Variants in STAT3 observed in about 807,000 individuals in gnomAD.
STAT3 encodes the protein DNA-binding protein APRF.
In STAT3, 7 loss-of-function variants were observed where a neutral mutation model predicts 114.3. The observed-to-expected ratio is 0.06, with a 90% CI of 0.03 to 0.11. The LOEUF is 0.11. Ranked by LOEUF, STAT3 falls within the 10% of genes least tolerant of loss-of-function variation. STAT3 has a pLI of 1.00. For synonymous variants in STAT3, 331 were observed against 354.5 expected (o/e 0.93, Z 0.74); for missense variants, 364 against 960.9 (o/e 0.38, Z 8.21).
rs766072381 is a variant in STAT3 at position 42,337,757 on chromosome 17, C to T, written c.645+6G>A. 3.7e-6 allele frequency: 6 copies of T among 1,614,194 alleles called. No individual in the cohort carries two copies. In the South Asian group the frequency reaches 6.6e-5, roughly 18 times the overall value. ...ATGGGGGAAGTGGTCCGACCTATGC[C>T]CTTACTCTCCGCATCTGGTCCAGCG... On this transcript the variant is annotated splice_donor_region_variant and intron_variant, in intron 7 of 23. Transcript: ENST00000264657. This position sits in a 1 kb window ranked among gnomAD's most constrained non-coding sequence, Gnocchi z 4.0.
At chr17:42,345,708 G>A (rs2082666660) in intron 3 of STAT3, 51 bp from the exon 4 acceptor site, 1 of 1,489,306 alleles carries the variant, frequency 6.7e-7, no homozygotes, top group East Asian at 2.4e-5. Flanking sequence ...CCATGGAGAT[G>A]TGGACTGAAC....
chr17:42,358,297 G>A (rs917928594), intron 1 of STAT3, among the ~76,000 whole-genome samples: 1 of 151,946 alleles, frequency 6.6e-6, no homozygotes. Context: ...GCCCATGCTT[G>A]TAGTCCCATG....
Position 42,370,314 on chromosome 17 carries a change from C to T in STAT3, c.-24+17965G>A, listed in dbSNP as rs1043060605. ...AGGCTAGAGTACAGTGGCATGATCTCGGCTCACTGCAACCTCCGCCTCCCA... is the reference window on the plus strand; with the variant it reads ...AGGCTAGAGTACAGTGGCATGATCTTGGCTCACTGCAACCTCCGCCTCCCA... On this transcript the variant is annotated intron_variant, in intron 1 of 23. Transcript: ENST00000264657. Among the ~76,000 whole-genome samples the T allele has an allele frequency of 3.8e-4, 58 of 150,814 alleles. 1 individual carries two copies. Among genetic ancestry groups the T allele is most frequent in the African/African-American group, 1.2e-3 (50 of 41,006 alleles).
chr17:42,376,665 T>G (rs989358586), intron 1 of STAT3, among the ~76,000 whole-genome samples: 2 of 149,536 alleles, frequency 1.3e-5, no homozygotes, highest in African/African-American at 4.9e-5. Flanking sequence ...GCTAACATGG[T>G]GAAACCCCGA....
chr17:42,330,617 G>C (rs1451998125), intron 11 of STAT3, among the ~76,000 whole-genome samples: 1 of 150,138 alleles, frequency 6.7e-6, no homozygotes, highest in African/African-American at 2.5e-5. Context: ...TTTTAGTAGA[G>C]ACGGGGTTTC....
intron 1 of STAT3, among the ~76,000 whole-genome samples, chr17:42,378,578 C>T (rs370127170): frequency 1.3e-5 from 2 of 152,276 alleles, no homozygotes; most frequent in South Asian, 2.1e-4. Flanking sequence ...GTTAATGTTT[C>T]AATAAATGTG....
chr17:42,328,016 G>A (rs1406267672), intron 14 of STAT3, among the ~76,000 whole-genome samples: 4 of 147,488 alleles, frequency 2.7e-5, no homozygotes, highest in African/African-American at 7.6e-5. Context: ...ACTGCAATCC[G>A]ATAGAACGAG....
At chr17:42,340,352 T>A (rs1341912352) in intron 4 of STAT3, among the ~76,000 whole-genome samples, 1 of 97,742 alleles carries the variant, frequency 1.0e-5, no homozygotes, top group Non-Finnish European at 1.9e-5. Context: ...TGAAACTCCA[T>A]CTCAAAAAAA....
intron 1 of STAT3, 78 bp from the exon 2 acceptor site, chr17:42,348,617 C>T (rs2082802909): frequency 6.5e-6 from 10 of 1,538,036 alleles, no homozygotes; most frequent in Admixed American, 3.5e-5. Context: ...TTGCCCAACA[C>T]AGGTGTCAGG....
rs982248766 is a variant in STAT3 at position 42,328,058 on chromosome 17, A to C, written c.1281+1352T>G. 3.3e-5 allele frequency among the ~76,000 whole-genome samples: 5 copies of C among 151,958 alleles called. No homozygotes were observed. In the East Asian group the frequency reaches 9.6e-4, roughly 29 times the overall value. The stretch of plus-strand genomic sequence containing the variant: ...ACTCAAAAAAAAAAAAGAAAAAAGA[A>C]ATTAAATTATAATTCATTTTTAATA... On this transcript the variant is annotated intron_variant, in intron 14 of 23. Transcript: ENST00000264657.
intron 15 of STAT3, 88 bp downstream of exon 15, chr17:42,326,028 C>T (rs2081702812): frequency 1.7e-6 from 2 of 1,203,992 alleles, no homozygotes; most frequent in African/African-American, 1.5e-5. Context: ...GTAATCATTC[C>T]ACCTTCTCTT....
At chr17:42,369,359 AAAAC>A (rs367707477) in intron 1 of STAT3, among the ~76,000 whole-genome samples, 3,329 of 152,152 alleles carry the variant, frequency 0.022, 69 homozygotes, top group African/African-American at 0.05. Context: ...CTCCATCTCA[AAAAC>A]AAACAAACAA....
At chr17:42,345,822 G>GGA (rs2082675417) in intron 3 of STAT3, among the ~76,000 whole-genome samples, 165 bp from the exon 4 acceptor site, 1 of 151,546 alleles carries the variant, frequency 6.6e-6, no homozygotes, top group African/African-American at 2.4e-5. Context: ...GTCGGCGGGG[G>GGA]GCGAAGGGGA....
At chr17:42,325,660 G>A (rs981850847) in intron 15 of STAT3, among the ~76,000 whole-genome samples, 1 of 152,008 alleles carries the variant, frequency 6.6e-6, no homozygotes, top group Non-Finnish European at 1.5e-5. Context: ...TGCCTCCCAG[G>A]TTCAAGTGAT....
chr17:42,338,930 A>G (rs1168047133), intron 5 of STAT3, 118 bp from the exon 6 acceptor site: 3 of 884,274 alleles, frequency 3.4e-6, no homozygotes, highest in Non-Finnish European at 5.3e-6. Context: ...AGATACATGC[A>G]GGACCTGCAG....
At chr17:42,351,572 G>A (rs546041521) in intron 1 of STAT3, among the ~76,000 whole-genome samples, 1 of 151,770 alleles carries the variant, frequency 6.6e-6, no homozygotes, top group African/African-American at 2.4e-5. Context: ...TTTTTGCTAC[G>A]AAGTTTTCTA....
At chr17:42,361,590 A>G (rs2083511790) in intron 1 of STAT3, among the ~76,000 whole-genome samples, 3 of 152,140 alleles carry the variant, frequency 2.0e-5, no homozygotes, top group Admixed American at 2.0e-4. Flanking sequence ...ATCAGAGCAG[A>G]GATCAGGGCT....
chr17:42,354,635 T>C (rs1334049594), intron 1 of STAT3, among the ~76,000 whole-genome samples: 1 of 150,724 alleles, frequency 6.6e-6, no homozygotes. Flanking sequence ...AGTGAAACCC[T>C]GTCTCTACTA....
intron 14 of STAT3, 64 bp downstream of exon 14, chr17:42,329,346 A>G: frequency 1.9e-6 from 3 of 1,599,396 alleles, no homozygotes; most frequent in Non-Finnish European, 2.6e-6. Flanking sequence ...ATTAAGAAGG[A>G]TCTTTACCCC....
Sources: gnomAD v4.1 joint callset for allele counts (sites outside exome capture counted in the v4.1 genomes callset) on GRCh38, gnomAD v4.1.1 for gene constraint, Gnocchi (gnomAD v3.1) non-coding constraint, MANE v1.5 for transcripts, NCBI Gene and HGNC (gene_info 2026-07-23, HGNC 2026-07-21) for gene names.